The following OR51B5 variants were observed in gnomAD, a reference collection of about 807,000 sequenced individuals.
OR51B5 encodes olfactory receptor family 51 subfamily B member 5.
For missense variants in OR51B5, 456 were observed against 374.6 expected (o/e 1.22, Z -1.79); for synonymous variants, 186 against 144.8 (o/e 1.28, Z -2.04).
chr11:5,414,861 A>C (rs966581443), intron 1 of OR51B5, among the ~76,000 whole-genome samples: 1 of 152,202 alleles, frequency 6.6e-6, no homozygotes, highest in African/African-American at 2.4e-5. Context: ...CATTAGATAG[A>C]TCAACGAGAC....
intron 1 of OR51B5, chr11:5,393,400 A>C (rs1429425076): frequency 1.3e-5 from 2 of 152,146 alleles, no homozygotes; most frequent in African/African-American, 4.8e-5. Context: ...AAGCAAAATT[A>C]GGTACAGAAC....
chr11:5,370,713 T>C (rs1335601182), intron 1 of OR51B5, among the ~76,000 whole-genome samples: 5 of 152,170 alleles, frequency 3.3e-5, no homozygotes, highest in African/African-American at 4.8e-5. Context: ...TCTGTTCCTA[T>C]GAAGCTTGTA....
intron 1 of OR51B5, among the ~76,000 whole-genome samples, chr11:5,349,907 A>C (rs1589946167): frequency 6.6e-6 from 1 of 152,072 alleles, no homozygotes; most frequent in Admixed American, 6.6e-5. Context: ...CAGACATATC[A>C]CATTTTATCT....
intron 1 of OR51B5, among the ~76,000 whole-genome samples, chr11:5,452,454 G>A (rs1232467065): frequency 1.5e-5 from 2 of 136,146 alleles, no homozygotes; most frequent in African/African-American, 5.5e-5. Context: ...GCAGTGAGCC[G>A]AGATTGCACC....
chr11:5,390,370 C>T (rs748796717), intron 1 of OR51B5: 106 of 1,594,764 alleles, frequency 6.6e-5, no homozygotes, highest in Non-Finnish European at 9.0e-5. Context: ...TTAAAAAGGC[C>T]AGTAAATGAG....
At chr11:5,441,001 T>G in intron 1 of OR51B5, 2 of 1,614,000 alleles carry the variant, frequency 1.2e-6, no homozygotes, top group Non-Finnish European at 1.7e-6. Flanking sequence ...ACATTGCCTT[T>G]GCAGAAGGGC....
intron 1 of OR51B5, among the ~76,000 whole-genome samples, chr11:5,433,952 CTG>C (rs558658215): frequency 5.3e-4 from 81 of 152,326 alleles, no homozygotes; most frequent in Non-Finnish European, 7.9e-4. Context: ...CTGCTGAACT[CTG>C]TCCTCTCTCA....
chr11:5,347,405 T>A (rs10768830), upstream of OR51B5, among the ~76,000 whole-genome samples: 45,382 of 152,076 alleles, frequency 0.3, 7,475 homozygotes, highest in Non-Finnish European at 0.38. Flanking sequence ...TGAACGCACA[T>A]TCTGCAGTTA....
chr11:5,397,286 A>C (rs1849890845), intron 1 of OR51B5, among the ~76,000 whole-genome samples: 2 of 152,182 alleles, frequency 1.3e-5, no homozygotes, highest in African/African-American at 2.4e-5. Flanking sequence ...AATGGGAGAA[A>C]ATTTTTGCAA....
At chr11:5,422,961 A>C (rs1306599826) in intron 1 of OR51B5, 1 of 1,614,042 alleles carries the variant, frequency 6.2e-7, no homozygotes, top group Middle Eastern at 1.6e-4. Flanking sequence ...CTGGTCCTCT[A>C]CATTCCCATG....
intron 1 of OR51B5, among the ~76,000 whole-genome samples, chr11:5,450,521 C>T (rs1269812008): frequency 6.6e-6 from 1 of 152,164 alleles, no homozygotes; most frequent in Non-Finnish European, 1.5e-5. Flanking sequence ...CCCTCGGGGT[C>T]CTTTCTTCTA....
chr11:5,420,609 CTACT>C (rs1209143228), intron 1 of OR51B5, among the ~76,000 whole-genome samples: 6 of 151,716 alleles, frequency 4.0e-5, no homozygotes, highest in African/African-American at 1.2e-4. Context: ...AAGATTATAT[CTACT>C]TGTCTTTCTC....
chr11:5,411,905 C>G (rs1036745265), intron 1 of OR51B5, among the ~76,000 whole-genome samples: 24 of 152,136 alleles, frequency 1.6e-4, no homozygotes, highest in Non-Finnish European at 2.8e-4. Flanking sequence ...CTGGAAAAGG[C>G]AAGAAAATGG....
intron 1 of OR51B5, among the ~76,000 whole-genome samples, chr11:5,395,987 T>C (rs900882826): frequency 4.6e-5 from 7 of 152,226 alleles, no homozygotes; most frequent in African/African-American, 1.7e-4. Flanking sequence ...CTCTAATCTA[T>C]GGAGTAGGTA....
intron 1 of OR51B5, among the ~76,000 whole-genome samples, chr11:5,470,311 C>T (rs557567059): frequency 6.6e-6 from 1 of 152,134 alleles, no homozygotes; most frequent in African/African-American, 2.4e-5. Flanking sequence ...TTCTTCCCCC[C>T]GAGGATCAAT....
intron 1 of OR51B5, among the ~76,000 whole-genome samples, chr11:5,411,000 G>C (rs1000491863): frequency 6.6e-6 from 1 of 152,124 alleles, no homozygotes; most frequent in Non-Finnish European, 1.5e-5. Context: ...GATACAGTAA[G>C]CTAAGGTTAA....
chr11:5,370,682 A>C (rs573079600), intron 1 of OR51B5, among the ~76,000 whole-genome samples: 4 of 152,336 alleles, frequency 2.6e-5, no homozygotes, highest in East Asian at 3.9e-4. Flanking sequence ...TGGGTACAAA[A>C]ATACATTGGT....
chr11:5,404,341 TA>T (rs1850025943), intron 1 of OR51B5, among the ~76,000 whole-genome samples: 1 of 152,164 alleles, frequency 6.6e-6, no homozygotes, highest in Non-Finnish European at 1.5e-5. Context: ...TAAAGGGTTG[TA>T]AATGCACCAA....
chr11:5,390,174 C>G, intron 1 of OR51B5: 1 of 1,613,966 alleles, frequency 6.2e-7, no homozygotes, highest in South Asian at 1.1e-5. Context: ...CCTCTCTGTG[C>G]TGTGCTAGTA....
Sources: allele counts gnomAD v4.1 joint callset (sites outside exome capture counted in the v4.1 genomes callset), GRCh38; gene constraint gnomAD v4.1.1; transcripts MANE v1.5; gene names NCBI Gene and HGNC (gene_info 2026-07-23, HGNC 2026-07-21).